PDE10A: variants seen among roughly 807,000 people sequenced by gnomAD.
PDE10A encodes the protein phosphodiesterase 10A.
In PDE10A, 39 loss-of-function variants were observed where a neutral mutation model predicts 97.7. The ratio of observed to expected loss-of-function variants is 0.40; its 90% CI spans 0.31 to 0.52. PDE10A has a LOEUF of 0.52. Ranked by LOEUF, PDE10A falls within the 20% of genes least tolerant of loss-of-function variation. PDE10A has a pLI of 0.56. For synonymous variants in PDE10A, 371 were observed against 376.8 expected (o/e 0.98, Z 0.18); for missense variants, 731 against 1,047.8 (o/e 0.70, Z 4.17).
chr6:165,817,749 T>A (rs546994971), intron 1 of PDE10A, among the ~76,000 whole-genome samples: 1 of 152,164 alleles, frequency 6.6e-6, no homozygotes, highest in Non-Finnish European at 1.5e-5. Context: ...TGACTGTCAA[T>A]GAGTTTAGAA....
At chr6:165,434,284 C>G (rs1429839152) in intron 6 of PDE10A, among the ~76,000 whole-genome samples, 2 of 151,918 alleles carry the variant, frequency 1.3e-5, no homozygotes, top group Non-Finnish European at 1.5e-5. Flanking sequence ...CCCTTCTGTC[C>G]TTCTATCTCT....
chr6:165,380,392 C>T (rs184180614), intron 17 of PDE10A, among the ~76,000 whole-genome samples: 1 of 152,270 alleles, frequency 6.6e-6, no homozygotes, highest in Non-Finnish European at 1.5e-5. Flanking sequence ...ACTGTCTCTT[C>T]ATATTCTTAA....
chr6:165,850,230 G>T (rs1020329017), intron 1 of PDE10A, among the ~76,000 whole-genome samples: 4 of 152,312 alleles, frequency 2.6e-5, no homozygotes, highest in African/African-American at 7.2e-5. Context: ...TCCGGGAGGC[G>T]CCAAGGCTTC....
chr6:165,443,997 G>A (rs548288670), intron 5 of PDE10A, among the ~76,000 whole-genome samples: 5 of 152,130 alleles, frequency 3.3e-5, no homozygotes, highest in South Asian at 2.1e-4. Flanking sequence ...ACAGAAAATC[G>A]GTTTGTCCTT....
intron 1 of PDE10A, among the ~76,000 whole-genome samples, chr6:165,788,620 T>C (rs1365024077): frequency 6.6e-6 from 1 of 152,078 alleles, no homozygotes; most frequent in Admixed American, 6.5e-5. Context: ...CTGTTAGCTT[T>C]CAGGGGATAT....
intron 1 of PDE10A, among the ~76,000 whole-genome samples, chr6:165,784,828 A>G (rs1230149243): frequency 6.6e-6 from 1 of 152,172 alleles, no homozygotes; most frequent in East Asian, 1.9e-4. Context: ...TGGGGATGGA[A>G]TCACTTAGTT....
intron 1 of PDE10A, among the ~76,000 whole-genome samples, chr6:165,868,259 T>C (rs545617346): frequency 6.6e-6 from 1 of 151,874 alleles, no homozygotes; most frequent in African/African-American, 2.4e-5. Flanking sequence ...ACAAAATTGA[T>C]AGACTGCTAG....
chr6:165,557,650 A>T (rs1394255705), intron 1 of PDE10A, among the ~76,000 whole-genome samples: 1 of 152,202 alleles, frequency 6.6e-6, no homozygotes, highest in Non-Finnish European at 1.5e-5. Flanking sequence ...TTGCTAGCAA[A>T]TATACCTTCT....
At chr6:165,677,569 C>T (rs1460589297) in intron 1 of PDE10A, among the ~76,000 whole-genome samples, 1 of 152,200 alleles carries the variant, frequency 6.6e-6, no homozygotes, top group Non-Finnish European at 1.5e-5. Flanking sequence ...GCGTTTACAT[C>T]GTATTAGGTA....
rs181656885 is a variant in PDE10A at position 165,484,378 on chromosome 6, T to C, written c.995-2035A>G. Among the ~76,000 whole-genome samples the C allele has an allele frequency of 1.8e-3, 274 of 152,348 alleles. 2 individuals are homozygous for C. The highest frequency in any genetic ancestry group is 2.6e-3 in the Non-Finnish European group (175 of 68,036). On this transcript the variant is annotated intron_variant, in intron 2 of 21. Transcript: ENST00000539869. Reference sequence around the variant, plus strand: ...GCAAGCGGGCGAAGCTTCATCCGTATTCACAACTGCTCTCTGTCACTGCGT... The same window carrying C: ...GCAAGCGGGCGAAGCTTCATCCGTACTCACAACTGCTCTCTGTCACTGCGT...
At chr6:165,507,367 A>T (rs976118913) in intron 2 of PDE10A, among the ~76,000 whole-genome samples, 1 of 152,096 alleles carries the variant, frequency 6.6e-6, no homozygotes, top group Non-Finnish European at 1.5e-5. Context: ...AACTTGCCTG[A>T]CTTCCTACTC....
intron 1 of PDE10A, among the ~76,000 whole-genome samples, chr6:165,768,397 T>G (rs1248564383): frequency 6.6e-6 from 1 of 152,078 alleles, no homozygotes; most frequent in African/African-American, 2.4e-5. Flanking sequence ...CTTCTAAGAG[T>G]TTTACTTTTA....
chr6:165,454,693 G>A (rs915654261), intron 3 of PDE10A, among the ~76,000 whole-genome samples: 1 of 152,092 alleles, frequency 6.6e-6, no homozygotes, highest in African/African-American at 2.4e-5. Flanking sequence ...TCTGTCTCCA[G>A]AACTGTAAGA....
At chr6:165,355,865 G>A (rs1193849089) in intron 18 of PDE10A, among the ~76,000 whole-genome samples, 1 of 152,102 alleles carries the variant, frequency 6.6e-6, no homozygotes, top group Non-Finnish European at 1.5e-5. Flanking sequence ...TCAGCTGCTT[G>A]ACATCCTTGC....
At chr6:165,739,503 G>T (rs1239699700) in intron 1 of PDE10A, among the ~76,000 whole-genome samples, 1 of 151,850 alleles carries the variant, frequency 6.6e-6, no homozygotes, top group East Asian at 1.9e-4. Flanking sequence ...CTAGAGGAAA[G>T]ACTTAAATGT....
At chr6:165,733,805 A>T (rs969675391) in intron 1 of PDE10A, among the ~76,000 whole-genome samples, 66 of 152,254 alleles carry the variant, frequency 4.3e-4, no homozygotes, top group African/African-American at 1.5e-3. Context: ...CTTCCACTGA[A>T]GTCAGGAAAG....
At chr6:165,421,482 G>A (rs746987797) in intron 10 of PDE10A, among the ~76,000 whole-genome samples, 1 of 152,032 alleles carries the variant, frequency 6.6e-6, no homozygotes, top group Non-Finnish European at 1.5e-5. Context: ...AATCATTAAT[G>A]ATAAAAACTT....
In PDE10A at chr6:165,430,193, G is replaced by A. The variant is rs1375165613; in HGVS notation, c.1601+94C>T. 5 of 787,868 alleles carry A rather than the reference G, an allele frequency of 6.3e-6. No homozygotes were observed. In the Admixed American group the frequency reaches 9.6e-5, roughly 15 times the overall value. The allele number at this position is 787,868 out of a possible 1,614,324, so 48.8% of individuals were successfully genotyped here. The stretch of plus-strand genomic sequence containing the variant: ...TGTAAAGACGGATCTTCAGTTATCA[G>A]CTGCAATAGACAATGGTCTATTTCT... On this transcript the variant is annotated intron_variant, in intron 9 of 21. Coordinates refer to ENST00000539869, the MANE Select transcript of PDE10A (RefSeq NM_001385079.1).
intron 13 of PDE10A, among the ~76,000 whole-genome samples, chr6:165,405,149 T>C (rs968565214): frequency 3.3e-5 from 5 of 152,134 alleles, no homozygotes; most frequent in African/African-American, 7.2e-5. Flanking sequence ...CAGGAGAAAG[T>C]AGGGGCATTG....
Sources: gnomAD v4.1 joint callset for allele counts (sites outside exome capture counted in the v4.1 genomes callset) on GRCh38, gnomAD v4.1.1 for gene constraint, MANE v1.5 for transcripts, NCBI Gene and HGNC (gene_info 2026-07-23, HGNC 2026-07-21) for gene names.